SARM1: variants seen among roughly 807,000 people sequenced by gnomAD.
The protein encoded by SARM1 is NAD(+) hydrolase SARM1.
In SARM1, 60 loss-of-function variants were observed where a neutral mutation model predicts 65.1. The ratio of observed to expected loss-of-function variants is 0.92; its 90% CI spans 0.75 to 1.14. The LOEUF (loss-of-function observed/expected upper bound fraction) is 1.14. Among genes scored for constraint, SARM1 ranks in the 50% most tolerant of loss-of-function variants. The pLI, the probability that SARM1 is intolerant of heterozygous loss-of-function variation, is 0.00. For synonymous variants in SARM1, 417 were observed against 465.4 expected, an observed-to-expected ratio of 0.90 and a Z score of 1.34; for missense variants, 913 against 1,015.7, an observed-to-expected ratio of 0.90 and a Z score of 1.37.
In SARM1 at chr17:28,384,620, C is replaced by A; in HGVS notation, c.1302+51C>A. On this transcript the variant is annotated intron_variant, in intron 3 of 8. Coordinates refer to ENST00000585482, the MANE Select transcript of SARM1 (RefSeq NM_015077.4). This position sits in a 1 kb window ranked among gnomAD's most constrained non-coding sequence, Gnocchi z 4.4. ...CCCGAGTCAGAGCGGGCGCCCTGTG[C>A]ACAGGGACTGCGTTCCCTCCCCGCC... 6.7e-7 allele frequency: 1 copy of A among 1,486,078 alleles called. No homozygotes were observed. The highest frequency in any genetic ancestry group is 1.3e-5 in the South Asian group (1 of 78,360). 92.1% of individuals were successfully genotyped at this position (1,486,078 alleles called of 1,614,324 possible). A position where few individuals can be genotyped will look rare whatever the true frequency, so the allele number is the denominator to read the frequency against.
chr17:28,395,952 T>A lies in SARM1; in HGVS notation c.1971T>A (p.Ile657=). 1 of 1,613,984 alleles carries A rather than the reference T, an allele frequency of 6.2e-7. No individual in the cohort carries two copies. The highest frequency in any genetic ancestry group is 8.5e-7 in the Non-Finnish European group (1 of 1,179,884). The change falls in exon 8 of 9, where the codon ATT becomes ATA. Residue 657 remains isoleucine (I), a synonymous_variant. Coordinates refer to ENST00000585482, the MANE Select transcript of SARM1 (RefSeq NM_015077.4). The part of the protein sequence containing the change: ...LSCGKNIVPI[I]DGFEWPEPQV... Reference sequence around the variant, plus strand: ...GCGGCAAGAACATTGTGCCCATCATTGATGGCTTCGAGTGGCCTGAGCCCC... The same window carrying A: ...GCGGCAAGAACATTGTGCCCATCATAGATGGCTTCGAGTGGCCTGAGCCCC...
chr17:28,380,744 A>C (rs1555585095), intron 1 of SARM1, among the ~76,000 whole-genome samples: 1 of 152,242 alleles, frequency 6.6e-6, no homozygotes, highest in Admixed American at 6.5e-5. Context: ...TGTGCCAGGC[A>C]TTGTGCCAAG....
At chr17:28,388,655 C>T (rs1403872953) in intron 7 of SARM1, 116 bp downstream of exon 7, 1 of 1,073,756 alleles carries the variant, frequency 9.3e-7, no homozygotes, top group Non-Finnish European at 1.4e-6. Flanking sequence ...TGAAGCACCT[C>T]CTTGGCCCAG....
Position 28,384,949 on chromosome 17 carries a change from G to A in SARM1, c.1394+19G>A, listed in dbSNP as rs781844791. The A allele has an allele frequency of 9.5e-6, 15 of 1,575,474 alleles. No individual in the cohort carries two copies. The Admixed American group carries it at 2.6e-4, about 27-fold the overall frequency. ...GCAAGAGGTACGGAGCCTCCTGCCC[G>A]CCGGACCCCAGCTAGGTCTAAATAA... On this transcript the variant is annotated intron_variant, in intron 4 of 8. Transcript: ENST00000585482. This position sits in a 1 kb window ranked among gnomAD's most constrained non-coding sequence, Gnocchi z 4.4.
chr17:28,381,609 C>T lies in SARM1; in HGVS notation c.877C>T (p.Leu293=). 1 of 1,582,674 alleles carries T rather than the reference C, an allele frequency of 6.3e-7. No individual in the cohort carries two copies. ...GCGCGAGGTGGAGCGCTCGGGCACG[C>T]TGGCGCTCGTGGAGCCGCTTGTGGC... The part of the protein sequence containing the change: ...VEREVERSGT[L]ALVEPLVASL... Residue 293 remains leucine (L), a synonymous_variant, in exon 2 of 9, where the codon CTG becomes TTG. Coordinates refer to ENST00000585482, the MANE Select transcript of SARM1 (RefSeq NM_015077.4).
At chr17:28,388,917 C>T (rs931212440) in intron 7 of SARM1, among the ~76,000 whole-genome samples, 8 of 151,976 alleles carry the variant, frequency 5.3e-5, no homozygotes, top group Non-Finnish European at 1.0e-4. Flanking sequence ...ACTACAGGTG[C>T]CCGCCACCAC....
Position 28,385,197 on chromosome 17 carries a change from G to T in SARM1, c.1552G>T (p.Val518Leu). 6.2e-7 allele frequency: 1 copy of T among 1,606,788 alleles called. No homozygotes were observed. The highest frequency in any genetic ancestry group is 8.5e-7 in the Non-Finnish European group (1 of 1,178,098). Reference sequence around the variant, plus strand: ...CCTGGACCGCTCCCTGCTGCACCGCGTGTCTGAGCAGCAGCTGCTGGAAGA... The same window carrying T: ...CCTGGACCGCTCCCTGCTGCACCGCTTGTCTGAGCAGCAGCTGCTGGAAGA... ...CGLDRSLLHRVSEQQLLEDCG... is the reference protein window; with the variant it reads ...CGLDRSLLHRLSEQQLLEDCG... The change falls in exon 5 of 9, where the codon GTG (valine) becomes TTG (leucine). Residue 518 changes from valine to leucine, a missense_variant. By Grantham distance (32) the Val-to-Leu change is conservative (BLOSUM62 1). Transcript: ENST00000585482. This position sits in a 1 kb window ranked among gnomAD's most constrained non-coding sequence, Gnocchi z 4.5.
chr17:28,388,081 T>G, intron 5 of SARM1, 93 bp from the exon 6 acceptor site: 1 of 1,007,416 alleles, frequency 9.9e-7, no homozygotes, highest in Non-Finnish European at 1.5e-6. Context: ...GAGGGCTTGG[T>G]GGACTGGGGA....
intron 1 of SARM1, chr17:28,373,367 A>G (rs2067969490): frequency 6.6e-6 from 1 of 152,266 alleles, no homozygotes; most frequent in Non-Finnish European, 1.5e-5. Context: ...TCTCATGCTG[A>G]AGTCTCCAGC....
chr17:28,372,072 C>T lies in SARM1; in HGVS notation c.40C>T (p.Arg14Cys). 2.0e-6 allele frequency: 3 copies of T among 1,500,970 alleles called. No individual in the cohort carries two copies. Among genetic ancestry groups the T allele is most frequent in the East Asian group, 2.8e-5 (1 of 35,224 alleles). The allele number at this position is 1,500,970 out of a possible 1,614,324, so 93.0% of individuals were successfully genotyped here. ...GCTTCTCTCCGCCTACAAGCTGTGT[C>T]GCTTCTTCGCCATGTCGGGCCCACG... ...TLLLSAYKLC[R>C]FFAMSGPRPG... Residue 14 changes from arginine (R) to cysteine (C), a missense_variant, in exon 1 of 9, where the codon CGC (arginine) becomes TGC (cysteine). By Grantham distance (180) the Arg-to-Cys change is radical. Transcript: ENST00000585482. This position sits in a 1 kb window ranked among gnomAD's most constrained non-coding sequence, Gnocchi z 5.2.
At chr17:28,382,619 T>C (rs1161501127) in intron 2 of SARM1, among the ~76,000 whole-genome samples, 1 of 152,196 alleles carries the variant, frequency 6.6e-6, no homozygotes, top group Non-Finnish European at 1.5e-5. Flanking sequence ...TCTAGGCCTC[T>C]ATCTGGGCCT....
Position 28,401,892 on chromosome 17 carries a change from T to C in SARM1, c.*5606T>C, listed in dbSNP as rs1461468225. 2 of 184,882 alleles carry C rather than the reference T, an allele frequency of 1.1e-5. No individual in the cohort carries two copies. The highest frequency in any genetic ancestry group is 4.7e-5 in the African/African-American group (2 of 42,652). 11.5% of individuals were successfully genotyped at this position (184,882 alleles called of 1,614,324 possible). On this transcript the variant is annotated 3_prime_UTR_variant, in exon 9 of 9. Coordinates refer to ENST00000585482, the MANE Select transcript of SARM1 (RefSeq NM_015077.4). Reference sequence around the variant, plus strand: ...ACAAGGTTGTTCACTTCTGGGCTTGTACACGCTGACCCCAGAGAAACAGGG... The same window carrying C: ...ACAAGGTTGTTCACTTCTGGGCTTGCACACGCTGACCCCAGAGAAACAGGG...
At chr17:28,391,707 CAAAAAA>C (rs1206857097) in intron 7 of SARM1, among the ~76,000 whole-genome samples, 6 of 56,778 alleles carry the variant, frequency 1.1e-4, no homozygotes, top group African/African-American at 3.2e-4. Flanking sequence ...GCAATTGCAC[CAAAAAA>C]AAAAAAAAAA....
chr17:28,382,171 G>A (rs1268605077), intron 2 of SARM1, among the ~76,000 whole-genome samples: 2 of 152,120 alleles, frequency 1.3e-5, no homozygotes, highest in Non-Finnish European at 2.9e-5. Context: ...GGAAGGGGGA[G>A]ACAGCGATGC....
At chr17:28,388,023 C>A in intron 5 of SARM1, 151 bp from the exon 6 acceptor site, 1 of 639,798 alleles carries the variant, frequency 1.6e-6, no homozygotes, top group South Asian at 1.8e-5. Flanking sequence ...CTCCTGGAGG[C>A]CCCATTTCTC....
At position 28,400,710 on chromosome 17, in the gene SARM1, C is replaced by T. The variant is rs1326269937; in HGVS notation, c.*4424C>T. 22 of 1,606,840 alleles carry T rather than the reference C, an allele frequency of 1.4e-5. No homozygotes were observed. Among genetic ancestry groups the T allele is most frequent in the Non-Finnish European group, 1.8e-5 (21 of 1,177,006 alleles). On this transcript the variant is annotated 3_prime_UTR_variant, in exon 9 of 9. Coordinates refer to ENST00000585482, the MANE Select transcript of SARM1 (RefSeq NM_015077.4). ...GCTGGGTAGAGTGAGTTGAAGATGC[C>T]GGAGGCCGTCAGCATGGCCAGGCTA...
chr17:28,381,025 T>C (rs1012170427), intron 1 of SARM1, among the ~76,000 whole-genome samples, 178 bp from the exon 2 acceptor site: 1 of 151,678 alleles, frequency 6.6e-6, no homozygotes, highest in Non-Finnish European at 1.5e-5. Context: ...ACCCTTAGAA[T>C]CCGAGAAGTG....
Position 28,385,049 on chromosome 17 carries a change from G to C in SARM1, c.1404G>C (p.Arg468Ser). ...CCTCCGTGGGGTGCAGGTTCTTTAG[G>C]GAGCTCACGGAGCTCAAGACCTTCG... Reference protein sequence around the residue: ...KSGITRKRFFRELTELKTFAN... With the variant: ...KSGITRKRFFSELTELKTFAN... Residue 468 changes from arginine (R) to serine (S), a missense_variant, in exon 5 of 9, where the codon AGG (arginine) becomes AGC (serine). By Grantham distance (110) the Arg-to-Ser change is moderately radical. Coordinates refer to ENST00000585482, the MANE Select transcript of SARM1 (RefSeq NM_015077.4). The surrounding 1 kb of genome is among the most constrained non-coding windows in gnomAD (Gnocchi z 4.5). 6.2e-7 allele frequency: 1 copy of C among 1,613,192 alleles called. No individual in the cohort carries two copies. Among genetic ancestry groups the C allele is most frequent in the Non-Finnish European group, 8.5e-7 (1 of 1,179,354 alleles).
At position 28,401,442 on chromosome 17, in the gene SARM1, C is replaced by A. The variant is rs576517138; in HGVS notation, c.*5156C>A. 1.0e-3 allele frequency: 160 copies of A among 155,020 alleles called. No individual in the cohort carries two copies. Among genetic ancestry groups the A allele is most frequent in the Non-Finnish European group, 1.1e-3 (80 of 69,732 alleles). The allele number at this position is 155,020 out of a possible 1,614,324, so 9.6% of individuals were successfully genotyped here. A position where few individuals can be genotyped will look rare whatever the true frequency, so the allele number is the denominator to read the frequency against. On this transcript the variant is annotated 3_prime_UTR_variant, in exon 9 of 9. Transcript: ENST00000585482. The stretch of plus-strand genomic sequence containing the variant: ...TGGGGACACCAGAACCCACAGTGGG[C>A]TCTGTATGGCACCAGAGTCTCTGTC...
Sources: allele counts gnomAD v4.1 joint callset (sites outside exome capture counted in the v4.1 genomes callset), GRCh38; gene constraint gnomAD v4.1.1; non-coding constraint Gnocchi (gnomAD v3.1); transcripts MANE v1.5; gene names NCBI Gene and HGNC (gene_info 2026-07-23, HGNC 2026-07-21).